ENOX1: variants seen among roughly 807,000 people sequenced by gnomAD.
ENOX1 encodes the protein ecto-NOX disulfide-thiol exchanger 1, also known as candidate growth-related and time keeping constitutive hydroquinone (NADH) oxidase.
ENOX1 carries 42 observed loss-of-function variants against 82.5 expected under a neutral mutation model. That is an observed-to-expected ratio of 0.51 (90% CI 0.40 to 0.66). The LOEUF (loss-of-function observed/expected upper bound fraction) is 0.66. Among genes scored for constraint, ENOX1 ranks in the 30% least tolerant of loss-of-function variants. ENOX1 has a pLI of 0.00. For synonymous variants in ENOX1, 271 were observed against 282.2 expected (o/e 0.96, Z 0.40); for missense variants, 608 against 811.6 (o/e 0.75, Z 3.05).
At chr13:43,306,731 C>T (rs1470970761) in intron 11 of ENOX1, among the ~76,000 whole-genome samples, 1 of 152,200 alleles carries the variant, frequency 6.6e-6, no homozygotes, top group Non-Finnish European at 1.5e-5. Flanking sequence ...TACAAATGTC[C>T]TTCCTTTTTA....
At chr13:43,266,282 T>C (rs2044365161) in intron 13 of ENOX1, among the ~76,000 whole-genome samples, 1 of 152,156 alleles carries the variant, frequency 6.6e-6, no homozygotes, top group Admixed American at 6.6e-5. Flanking sequence ...ATACAAAGTA[T>C]TCATGGTAGG....
chr13:43,230,020 A>T (rs1340464683), intron 15 of ENOX1, among the ~76,000 whole-genome samples: 1 of 152,222 alleles, frequency 6.6e-6, no homozygotes, highest in Admixed American at 6.5e-5. Context: ...TTGAAGCCAA[A>T]GTATTCATTG....
intron 11 of ENOX1, among the ~76,000 whole-genome samples, chr13:43,309,850 C>T (rs1165628015): frequency 2.6e-5 from 4 of 151,710 alleles, no homozygotes; most frequent in African/African-American, 9.7e-5. Flanking sequence ...ATTTGTTTTG[C>T]GTTTCTGGTG....
At chr13:43,710,812 G>A (rs2087640951) in intron 1 of ENOX1, among the ~76,000 whole-genome samples, 1 of 150,470 alleles carries the variant, frequency 6.6e-6, no homozygotes, top group South Asian at 2.1e-4. Context: ...TTGCTCTACA[G>A]AAACAATAAT....
chr13:43,480,260 T>C (rs1207535343), intron 3 of ENOX1, among the ~76,000 whole-genome samples: 3 of 152,136 alleles, frequency 2.0e-5, no homozygotes, highest in Non-Finnish European at 4.4e-5. Context: ...ATTCTAAACA[T>C]GCATGGGACA....
At chr13:43,334,965 G>A (rs1454323591) in intron 9 of ENOX1, among the ~76,000 whole-genome samples, 1 of 152,104 alleles carries the variant, frequency 6.6e-6, no homozygotes, top group Non-Finnish European at 1.5e-5. Context: ...AATCTGTGTT[G>A]GTCAAGTCTT....
intron 2 of ENOX1, among the ~76,000 whole-genome samples, chr13:43,663,670 C>CATGA (rs959185607): frequency 2.0e-5 from 3 of 151,880 alleles, no homozygotes; most frequent in South Asian, 4.2e-4. Flanking sequence ...AAGGGTACTA[C>CATGA]ATGAATGAAT....
chr13:43,544,067 T>A (rs562191141), intron 2 of ENOX1: 1 of 151,724 alleles, frequency 6.6e-6, no homozygotes, highest in South Asian at 2.1e-4. Flanking sequence ...CAGGCATGAG[T>A]CACCACACCT....
intron 15 of ENOX1, 74 bp from the exon 16 acceptor site, chr13:43,224,212 TC>T: frequency 8.3e-7 from 1 of 1,197,782 alleles, no homozygotes; most frequent in Non-Finnish European, 1.2e-6. Flanking sequence ...TGCTGTCTAA[TC>T]CCAGTGACTA....
chr13:43,412,046 A>G lies in ENOX1; in HGVS notation c.78T>C (p.Asp26=), dbSNP rs752553950. Residue 26 remains aspartate, a synonymous_variant, in exon 5 of 17, where the codon GAT becomes GAC. Transcript: ENST00000690772. The part of the protein sequence containing the change: ...ELPQMMAAAA[D]GLGSIAIDTT... Reference sequence around the variant, plus strand: ...TGTCTATCGCTATACTCCCCAAACCATCGGCTGCTGTGGGGAAAAACAAAC... The same window carrying G: ...TGTCTATCGCTATACTCCCCAAACCGTCGGCTGCTGTGGGGAAAAACAAAC... The G allele has an allele frequency of 4.0e-5, 64 of 1,612,812 alleles. No individual in the cohort carries two copies. The highest frequency in any genetic ancestry group is 5.2e-5 in the Non-Finnish European group (61 of 1,179,128).
At chr13:43,667,330 G>C (rs1042746540) in intron 2 of ENOX1, 149 bp downstream of exon 2, 17 of 369,824 alleles carry the variant, frequency 4.6e-5, no homozygotes, top group Non-Finnish European at 6.4e-5. Context: ...TGTTAGTTCA[G>C]AGATCTTCTG....
At chr13:43,423,569 T>C (rs1443751370) in intron 3 of ENOX1, among the ~76,000 whole-genome samples, 1 of 152,218 alleles carries the variant, frequency 6.6e-6, no homozygotes, top group Non-Finnish European at 1.5e-5. Flanking sequence ...CCTCAGCTAG[T>C]GATGGGTGTG....
chr13:43,272,722 A>C (rs1238766834), intron 12 of ENOX1, among the ~76,000 whole-genome samples: 5 of 152,226 alleles, frequency 3.3e-5, no homozygotes, highest in African/African-American at 4.8e-5. Context: ...GCCTGACACA[A>C]GACCAATTAA....
intron 2 of ENOX1, among the ~76,000 whole-genome samples, chr13:43,576,714 T>C (rs867353505): frequency 6.6e-6 from 1 of 152,306 alleles, no homozygotes; most frequent in Middle Eastern, 3.4e-3. Flanking sequence ...ATTGTAACAG[T>C]AGCAATAGAA....
intron 2 of ENOX1, among the ~76,000 whole-genome samples, chr13:43,503,128 G>T (rs146128813): frequency 1.3e-5 from 2 of 151,656 alleles, no homozygotes; most frequent in Non-Finnish European, 3.0e-5. Flanking sequence ...GCATCAAAAA[G>T]AACGAAGTAC....
chr13:43,449,453 A>G (rs899230728), intron 3 of ENOX1, among the ~76,000 whole-genome samples: 3 of 152,334 alleles, frequency 2.0e-5, no homozygotes, highest in Admixed American at 2.0e-4. Context: ...TTAAGGTAAT[A>G]ATAAATGGGC....
intron 15 of ENOX1, among the ~76,000 whole-genome samples, chr13:43,228,263 G>C (rs2042116038): frequency 6.6e-6 from 1 of 152,042 alleles, no homozygotes; most frequent in Non-Finnish European, 1.5e-5. Context: ...ATGAACACTA[G>C]GAATGGAGGG....
chr13:43,232,956 T>A (rs994978130), intron 15 of ENOX1, among the ~76,000 whole-genome samples: 4 of 152,126 alleles, frequency 2.6e-5, no homozygotes, highest in South Asian at 4.1e-4. Context: ...ATAAAAAAAA[T>A]TTGATCCATT....
At chr13:43,539,918 T>C (rs1019702313) in intron 2 of ENOX1, among the ~76,000 whole-genome samples, 1 of 152,164 alleles carries the variant, frequency 6.6e-6, no homozygotes, top group Non-Finnish European at 1.5e-5. Context: ...TTGTATCTAG[T>C]AATTTTTTTT....
Sources: gnomAD v4.1 joint callset for allele counts (sites outside exome capture counted in the v4.1 genomes callset) on GRCh38, gnomAD v4.1.1 for gene constraint, MANE v1.5 for transcripts, NCBI Gene and HGNC (gene_info 2026-07-23, HGNC 2026-07-21) for gene names.